The following GSG1L variants were observed in gnomAD, a reference collection of about 807,000 sequenced individuals.
The protein encoded by GSG1L is GSG1 like, also known as germ cell-specific gene 1-like protein.
GSG1L carries 24 observed loss-of-function variants against 42.1 expected under a neutral mutation model. The ratio of observed to expected loss-of-function variants is 0.57; its 90% confidence interval spans 0.41 to 0.80. The LOEUF (loss-of-function observed/expected upper bound fraction) is 0.80, where lower values mean the gene tolerates loss of function less well. Ranked by LOEUF, GSG1L falls within the 30% of genes least tolerant of loss-of-function variation. GSG1L has a pLI of 0.00. For missense variants in GSG1L, 445 were observed against 472.2 expected (o/e 0.94, Z 0.53); for synonymous variants, 215 against 203.5 (o/e 1.06, Z -0.48).
chr16:27,815,709 T>C (rs1385362530), intron 5 of GSG1L, among the ~76,000 whole-genome samples: 1 of 152,210 alleles, frequency 6.6e-6, no homozygotes, highest in Non-Finnish European at 1.5e-5. Flanking sequence ...ATCTGATGAA[T>C]GGGCACATAA....
intron 3 of GSG1L, among the ~76,000 whole-genome samples, chr16:27,848,921 T>C (rs774695883): frequency 9.2e-4 from 140 of 151,750 alleles, no homozygotes; most frequent in Admixed American, 2.0e-3. Flanking sequence ...ATGGGCCTGG[T>C]GCGGTGGCTC....
At chr16:27,913,245 GAT>G (rs1395273746) in intron 2 of GSG1L, among the ~76,000 whole-genome samples, 2 of 152,140 alleles carry the variant, frequency 1.3e-5, no homozygotes, top group African/African-American at 2.4e-5. Flanking sequence ...TAAGCAAAAA[GAT>G]ACAGTGTATT....
intron 2 of GSG1L, among the ~76,000 whole-genome samples, chr16:27,959,653 C>A (rs1345671139): frequency 6.6e-6 from 1 of 151,954 alleles, no homozygotes; most frequent in South Asian, 2.1e-4. Context: ...CATGGTAGTG[C>A]GCACCTGTAG....
In GSG1L at chr16:27,870,573, C is replaced by T. The variant is rs892757054; in HGVS notation, c.550+13913G>A. Among the ~76,000 whole-genome samples the T allele has an allele frequency of 7.9e-5, 12 of 151,504 alleles. 1 individual carries two copies. Among genetic ancestry groups the T allele is most frequent in the African/African-American group, 2.9e-4 (12 of 40,788 alleles). ...TACCTTATCAGGGGCCCTCCACTCT[C>T]CTCTCTTCCCTTCCCCGCCCTCCTA... is the stretch of plus-strand genomic sequence containing the variant. On this transcript the variant is annotated intron_variant, in intron 3 of 6. Transcript: ENST00000447459.
In GSG1L at chr16:27,789,473, T is replaced by C. The variant is rs1471278641; in HGVS notation, c.*1897A>G. ...TGATGGATAAAGGATGGATGGATGA[T>C]GGATAGATGGATGAATGGATAGATA... On this transcript the variant is annotated 3_prime_UTR_variant, in exon 7 of 7. Coordinates refer to ENST00000447459, the MANE Select transcript of GSG1L (RefSeq NM_001109763.2). The C allele has an allele frequency of 1.3e-5, 2 of 150,784 alleles. No individual in the cohort carries two copies. Among genetic ancestry groups the C allele is most frequent in the African/African-American group, 4.9e-5 (2 of 40,956 alleles). The allele number at this position is 150,784 out of a possible 1,614,324, so 9.3% of individuals were successfully genotyped here. A position where few individuals can be genotyped will look rare whatever the true frequency, so the allele number is the denominator to read the frequency against.
intron 2 of GSG1L, among the ~76,000 whole-genome samples, chr16:27,947,540 G>GGAAGGAAA (rs2084893079): frequency 1.0e-5 from 1 of 97,098 alleles, no homozygotes; most frequent in South Asian, 4.0e-4. Flanking sequence ...AAAGAATGAA[G>GGAAGGAAA]GAAAGAAAGA....
intron 1 of GSG1L, among the ~76,000 whole-genome samples, chr16:28,025,255 G>A (rs962271824): frequency 1.3e-5 from 2 of 152,168 alleles, no homozygotes; most frequent in Non-Finnish European, 2.9e-5. Flanking sequence ...AGTGGGTGCA[G>A]GAAAGGGAGA....
intron 1 of GSG1L, among the ~76,000 whole-genome samples, chr16:27,999,434 C>A (rs1017990600): frequency 6.6e-6 from 1 of 152,066 alleles, no homozygotes; most frequent in African/African-American, 2.4e-5. Flanking sequence ...AAAGAATGAC[C>A]AAATTCTTTC....
rs142321342 is a variant in GSG1L at position 27,973,839 on chromosome 16, A to G, written c.350-10636T>C. 1.0e-3 allele frequency among the ~76,000 whole-genome samples: 158 copies of G among 152,142 alleles called. 1 individual carries two copies. The East Asian group carries it at 0.029, about 28-fold the overall frequency. On this transcript the variant is annotated intron_variant, in intron 1 of 6. Coordinates refer to ENST00000447459, the MANE Select transcript of GSG1L (RefSeq NM_001109763.2). ...ACCACCAGGGGGTACAGCTGGGACAACTCAGTGGGCGGCAGTCCAGGTTGC... is the reference window on the plus strand; with the variant it reads ...ACCACCAGGGGGTACAGCTGGGACAGCTCAGTGGGCGGCAGTCCAGGTTGC...
At chr16:28,003,239 C>T (rs11640841) in intron 1 of GSG1L, among the ~76,000 whole-genome samples, 61,662 of 152,040 alleles carry the variant, frequency 0.41, 14,691 homozygotes, top group East Asian at 0.69. Context: ...GGAGGCTGAG[C>T]GGCTGCAAAA....
chr16:27,862,245 G>T (rs1242917373), intron 3 of GSG1L, among the ~76,000 whole-genome samples: 1 of 152,188 alleles, frequency 6.6e-6, no homozygotes, highest in Non-Finnish European at 1.5e-5. Flanking sequence ...GAAGTAAGTA[G>T]CCATATTTGA....
At chr16:28,062,651 AC>A (rs1164098220) in intron 1 of GSG1L, among the ~76,000 whole-genome samples, 2 of 151,468 alleles carry the variant, frequency 1.3e-5, no homozygotes, top group African/African-American at 4.9e-5. Context: ...CATCACCCCC[AC>A]CCCCAGGGGC....
In GSG1L at chr16:27,841,802, A is replaced by T. The variant is rs188139493; in HGVS notation, c.662+3148T>A. Among the ~76,000 whole-genome samples the T allele has an allele frequency of 3.3e-3, 503 of 152,310 alleles. 2 individuals carry two copies. The highest frequency in any genetic ancestry group is 6.8e-3 in the Middle Eastern group (2 of 294). ...GCCCCGAAGGAGGGAGCAGAGGAGC[A>T]GGGCAGAAATCCCTGGCTTCCAGGG... On this transcript the variant is annotated intron_variant, in intron 4 of 6. Transcript: ENST00000447459.
At position 27,895,266 on chromosome 16, in the gene GSG1L, A is replaced by C. The variant is rs143537061; in HGVS notation, c.398-10628T>G. On this transcript the variant is annotated intron_variant, in intron 2 of 6. Coordinates refer to ENST00000447459, the MANE Select transcript of GSG1L (RefSeq NM_001109763.2). The stretch of plus-strand genomic sequence containing the variant: ...AAATGGGCAAATGCACAATACTGGA[A>C]CTGCATCATCACGTGATGATGGCTG... Among the ~76,000 whole-genome samples, 547 of 152,182 alleles carry C rather than the reference A, an allele frequency of 3.6e-3. 5 individuals are homozygous for C. Among genetic ancestry groups the C allele is most frequent in the African/African-American group, 0.012 (501 of 41,528 alleles).
chr16:27,967,554 C>T (rs1438085577), intron 1 of GSG1L, among the ~76,000 whole-genome samples: 1 of 152,192 alleles, frequency 6.6e-6, no homozygotes, highest in African/African-American at 2.4e-5. Flanking sequence ...GGCCACACAG[C>T]ACATTAGAGG....
At chr16:28,028,226 T>G (rs2085921732) in intron 1 of GSG1L, among the ~76,000 whole-genome samples, 1 of 152,072 alleles carries the variant, frequency 6.6e-6, no homozygotes, top group African/African-American at 2.4e-5. Context: ...CCAGTGTAGT[T>G]GATGGGCCAT....
intron 2 of GSG1L, among the ~76,000 whole-genome samples, chr16:27,924,407 TA>T (rs899666291): frequency 6.6e-6 from 1 of 152,230 alleles, no homozygotes; most frequent in Admixed American, 6.5e-5. Flanking sequence ...TATTATTTTC[TA>T]AAAAGTATTT....
chr16:28,030,245 C>G (rs2085942908), intron 1 of GSG1L, among the ~76,000 whole-genome samples: 1 of 152,176 alleles, frequency 6.6e-6, no homozygotes, highest in Non-Finnish European at 1.5e-5. Flanking sequence ...AACCCCAACT[C>G]CAGAGGTGAG....
At chr16:27,952,376 G>T (rs1596642031) in intron 2 of GSG1L, among the ~76,000 whole-genome samples, 1 of 152,188 alleles carries the variant, frequency 6.6e-6, no homozygotes, top group African/African-American at 2.4e-5. Context: ...TTCCTCTGGG[G>T]GTTTAGGGAT....
Sources: allele counts gnomAD v4.1 joint callset (sites outside exome capture counted in the v4.1 genomes callset), GRCh38; gene constraint gnomAD v4.1.1; transcripts MANE v1.5; gene names NCBI Gene and HGNC (gene_info 2026-07-23, HGNC 2026-07-21).